Variants in WFIKKN1 observed in about 807,000 individuals in gnomAD.
WFIKKN1 encodes the protein WAP, follistatin/kazal, immunoglobulin, kunitz and netrin domain containing 1, also known as WAP, Kazal, immunoglobulin, Kunitz and NTR domain-containing protein 1.
Under a neutral mutation model 4.6 loss-of-function variants are expected in WFIKKN1, and 6 were observed. That is an observed-to-expected ratio of 1.31 (90% CI 0.72 to 2.59). The LOEUF is 2.59. Among genes scored for constraint, WFIKKN1 ranks in the 30% most tolerant of loss-of-function variants. WFIKKN1 has a pLI of 0.00. For missense variants in WFIKKN1, 964 were observed against 818.0 expected (o/e 1.18, Z -2.18); for synonymous variants, 468 against 367.4 (o/e 1.27, Z -3.13).
rs752608384 is a variant in WFIKKN1 at position 634,048 on chromosome 16, C to G, written c.1638C>G (p.Phe546Leu). The stretch of plus-strand genomic sequence containing the variant: ...AGGCCTGCGAGCTGCTCAACCGCTT[C>G]CAGGACTAGCCCCCGCAGGGGCCTG... The part of the protein sequence containing the change: ...EKQACELLNR[F>L]QD Residue 546 changes from phenylalanine to leucine, a missense_variant, in exon 2 of 2, where the codon TTC (phenylalanine) becomes TTG (leucine). Coordinates refer to ENST00000319070, the MANE Select transcript of WFIKKN1 (RefSeq NM_053284.3). The G allele has an allele frequency of 1.3e-6, 2 of 1,575,778 alleles. No individual in the cohort carries two copies. Among genetic ancestry groups the G allele is most frequent in the Non-Finnish European group, 1.7e-6 (2 of 1,164,618 alleles).
intron 1 of WFIKKN1, 83 bp downstream of exon 1, chr16:631,507 G>A (rs1257867947): frequency 6.5e-7 from 1 of 1,528,752 alleles, no homozygotes; most frequent in Non-Finnish European, 8.7e-7. Context: ...CTTCTGCCTG[G>A]GCTCCCCAGA....
chr16:632,960 G>C lies in WFIKKN1; in HGVS notation c.550G>C (p.Val184Leu). The C allele has an allele frequency of 1.9e-6, 3 of 1,567,004 alleles. No individual in the cohort carries two copies. The highest frequency in any genetic ancestry group is 2.6e-6 in the Non-Finnish European group (3 of 1,155,430). ...TARPTPGAAPVPPALYSSPSP... is the reference protein window; with the variant it reads ...TARPTPGAAPLPPALYSSPSP... ...CCGCCCCACACCTGGGGCCGCGCCCGTGCCTCCTGCCCTGTACAGCAGCCC... is the reference window on the plus strand; with the variant it reads ...CCGCCCCACACCTGGGGCCGCGCCCCTGCCTCCTGCCCTGTACAGCAGCCC... Residue 184 changes from valine to leucine, a missense_variant, in exon 2 of 2, where the codon GTG becomes CTG. By Grantham distance (32) the Val-to-Leu change is conservative (BLOSUM62 1). Coordinates refer to ENST00000319070, the MANE Select transcript of WFIKKN1 (RefSeq NM_053284.3).
rs546743008 is a variant in WFIKKN1 at position 631,673 on chromosome 16, C to T, written c.171+249C>T. On this transcript the variant is annotated intron_variant, in intron 1 of 1. Transcript: ENST00000319070. ...CACCATCATCCTCGGCGACCACCCCCACCCCGTCACTGCCTCTCCTCCCAC... is the reference window on the plus strand; with the variant it reads ...CACCATCATCCTCGGCGACCACCCCTACCCCGTCACTGCCTCTCCTCCCAC... 318 of 371,048 alleles carry T rather than the reference C, an allele frequency of 8.6e-4. 1 individual carries two copies. Among genetic ancestry groups the T allele is most frequent in the African/African-American group, 6.1e-3 (288 of 47,000 alleles). The allele number at this position is 371,048 out of a possible 1,614,324, so 23.0% of individuals were successfully genotyped here.
At position 632,951 on chromosome 16, in the gene WFIKKN1, G is replaced by C. The variant is rs1203030723; in HGVS notation, c.541G>C (p.Ala181Pro). Residue 181 changes from alanine (A) to proline (P), a missense_variant, in exon 2 of 2, where the codon GCC becomes CCC. Ala to Pro is a conservative substitution (Grantham distance 27, BLOSUM62 -1). Coordinates refer to ENST00000319070, the MANE Select transcript of WFIKKN1 (RefSeq NM_053284.3). ...GACCACTGCCCGCCCCACACCTGGG[G>C]CCGCGCCCGTGCCTCCTGCCCTGTA... ...PETTARPTPG[A>P]APVPPALYSS... 1.3e-6 allele frequency: 2 copies of C among 1,561,294 alleles called. No individual in the cohort carries two copies. The highest frequency in any genetic ancestry group is 3.7e-5 in the Admixed American group (2 of 54,100).
Position 631,206 on chromosome 16 carries a change from G to A in WFIKKN1, c.-48G>A, listed in dbSNP as rs1180031237. 2 of 1,517,218 alleles carry A rather than the reference G, an allele frequency of 1.3e-6. No homozygotes were observed. Among genetic ancestry groups the A allele is most frequent in the Admixed American group, 4.1e-5 (2 of 49,374 alleles). The allele number at this position is 1,517,218 out of a possible 1,614,324, so 94.0% of individuals were successfully genotyped here. Reference sequence around the variant, plus strand: ...GGAAGCTGGGCTCTGTGGAGCCCGAGGAGGGGCTGGTGGCCACACCCCCCG... The same window carrying A: ...GGAAGCTGGGCTCTGTGGAGCCCGAAGAGGGGCTGGTGGCCACACCCCCCG... On this transcript the variant is annotated 5_prime_UTR_variant, in exon 1 of 2. Transcript: ENST00000319070.
At position 632,896 on chromosome 16, in the gene WFIKKN1, C is replaced by G. The variant is rs755902478; in HGVS notation, c.486C>G (p.Ser162Arg). 3 of 1,568,510 alleles carry G rather than the reference C, an allele frequency of 1.9e-6. No individual in the cohort carries two copies. The South Asian group carries it at 3.6e-5, about 19-fold the overall frequency. The change falls in exon 2 of 2, where the codon AGC becomes AGG. Residue 162 changes from serine to arginine, a missense_variant. Transcript: ENST00000319070. ...LHIVPCKHVL[S>R]WPPSSPGPPE... ...TCGTGCCCTGCAAGCACGTGCTCAG[C>G]TGGCCGCCCAGCAGCCCGGGGCCGC...
At chr16:631,447 C>G in intron 1 of WFIKKN1, 23 bp downstream of exon 1, 1 of 1,597,388 alleles carries the variant, frequency 6.3e-7, no homozygotes, top group Non-Finnish European at 8.5e-7. Flanking sequence ...GGGCCGGGGT[C>G]CTGGGGCTCA....
chr16:633,454 G>T lies in WFIKKN1; in HGVS notation c.1044G>T (p.Gln348His). 1.1e-5 allele frequency: 17 copies of T among 1,534,250 alleles called. No homozygotes were observed. The highest frequency in any genetic ancestry group is 1.2e-5 in the Non-Finnish European group (14 of 1,148,762). The change falls in exon 2 of 2, where the codon CAG (glutamine) becomes CAT (histidine). Residue 348 changes from glutamine to histidine, a missense_variant. Gln to His is a conservative substitution (Grantham distance 24). Transcript: ENST00000319070. ...ARGFETYEACQQACARGPGDA... is the reference protein window; with the variant it reads ...ARGFETYEACHQACARGPGDA... ...GCTTTGAGACCTACGAGGCATGCCA[G>T]CAGGCCTGTGCCCGCGGCCCCGGCG...
At position 632,799 on chromosome 16, in the gene WFIKKN1, C is replaced by G; in HGVS notation, c.389C>G (p.Ser130Trp). ...CEKEPSFTCASDGLTYYNRCY... is the reference protein window; with the variant it reads ...CEKEPSFTCAWDGLTYYNRCY... ...AAGGAGCCCAGCTTCACCTGCGCCT[C>G]GGACGGCCTCACCTACTACAACCGC... is the stretch of plus-strand genomic sequence containing the variant. The change falls in exon 2 of 2, where the codon TCG (serine) becomes TGG (tryptophan). Residue 130 changes from serine (S) to tryptophan (W), a missense_variant. Physicochemically the swap from Ser to Trp is radical, Grantham distance 177. Transcript: ENST00000319070. 1 of 1,597,998 alleles carries G rather than the reference C, an allele frequency of 6.3e-7. No individual in the cohort carries two copies. Among genetic ancestry groups the G allele is most frequent in the Non-Finnish European group, 8.5e-7 (1 of 1,171,456 alleles).
At position 632,695 on chromosome 16, in the gene WFIKKN1, C is replaced by A; in HGVS notation, c.285C>A (p.Gly95=). The change falls in exon 2 of 2, where the codon GGC becomes GGA. Residue 95 remains glycine, a synonymous_variant. Transcript: ENST00000319070. The part of the protein sequence containing the change: ...AAPTTAASCE[G]FVCPQQGSDC... ...CGACGACAGCGGCCTCCTGCGAGGG[C>A]TTTGTGTGCCCACAGCAGGGCTCGG... The A allele has an allele frequency of 6.2e-7, 1 of 1,609,468 alleles. No individual in the cohort carries two copies. Among genetic ancestry groups the A allele is most frequent in the Non-Finnish European group, 8.5e-7 (1 of 1,178,312 alleles).
chr16:631,387 C>G lies in WFIKKN1; in HGVS notation c.134C>G (p.Ala45Gly), dbSNP rs1424399431. The G allele has an allele frequency of 6.2e-7, 1 of 1,609,514 alleles. No individual in the cohort carries two copies. The highest frequency in any genetic ancestry group is 8.5e-7 in the Non-Finnish European group (1 of 1,179,368). ...CTCAGCCCCAACCTGTGGGTGGACG[C>G]CCAGAGCACCTGTGAGCGCGAGTGT... The part of the protein sequence containing the change: ...NQLSPNLWVD[A>G]QSTCERECSR... The change falls in exon 1 of 2, where the codon GCC (alanine) becomes GGC (glycine). Residue 45 changes from alanine (A) to glycine (G), a missense_variant. By Grantham distance (60) the Ala-to-Gly change is moderately conservative (BLOSUM62 0). Coordinates refer to ENST00000319070, the MANE Select transcript of WFIKKN1 (RefSeq NM_053284.3).
chr16:633,563 C>T lies in WFIKKN1; in HGVS notation c.1153C>T (p.His385Tyr), dbSNP rs1286813892. 3 of 1,554,928 alleles carry T rather than the reference C, an allele frequency of 1.9e-6. No individual in the cohort carries two copies. The highest frequency in any genetic ancestry group is 2.6e-6 in the Non-Finnish European group (3 of 1,158,580). The change falls in exon 2 of 2, where the codon CAT becomes TAT. Residue 385 changes from histidine (H) to tyrosine (Y), a missense_variant. By Grantham distance (83) the His-to-Tyr change is moderately conservative. Coordinates refer to ENST00000319070, the MANE Select transcript of WFIKKN1 (RefSeq NM_053284.3). Reference protein sequence around the residue: ...WAYSPLLQQCHPFVYGGCEGN... With the variant: ...WAYSPLLQQCYPFVYGGCEGN... ...CTACAGCCCGCTGCTGCAGCAGTGC[C>T]ATCCCTTCGTGTACGGTGGCTGCGA...
Position 633,488 on chromosome 16 carries a change from G to C in WFIKKN1, c.1078G>C (p.Val360Leu). 1 of 1,519,780 alleles carries C rather than the reference G, an allele frequency of 6.6e-7. No homozygotes were observed. The highest frequency in any genetic ancestry group is 2.1e-5 in the Admixed American group (1 of 46,874). The allele number at this position is 1,519,780 out of a possible 1,614,324, so 94.1% of individuals were successfully genotyped here. ...TGCCCGCGGCCCCGGCGACGCCTGC[G>C]TGCTGCCTGCCGTGCAGGGCCCCTG... ...ACARGPGDACVLPAVQGPCRG... is the reference protein window; with the variant it reads ...ACARGPGDACLLPAVQGPCRG... Residue 360 changes from valine (V) to leucine (L), a missense_variant, in exon 2 of 2, where the codon GTG (valine) becomes CTG (leucine). Coordinates refer to ENST00000319070, the MANE Select transcript of WFIKKN1 (RefSeq NM_053284.3).
rs1449345035 is a variant in WFIKKN1 at position 634,057 on chromosome 16, GC to G, written c.*5del. ...AGCTGCTCAACCGCTTCCAGGACTAGCCCCCGCAGGGGCCTGCGCCACCCCG... is the reference window on the plus strand; with the variant it reads ...AGCTGCTCAACCGCTTCCAGGACTAGCCCCGCAGGGGCCTGCGCCACCCCG... On this transcript the variant is annotated 3_prime_UTR_variant, in exon 2 of 2. Coordinates refer to ENST00000319070, the MANE Select transcript of WFIKKN1 (RefSeq NM_053284.3). 5.1e-6 allele frequency: 8 copies of G among 1,567,006 alleles called. No homozygotes were observed. Among genetic ancestry groups the G allele is most frequent in the Admixed American group, 1.8e-5 (1 of 56,806 alleles).
In WFIKKN1 at chr16:633,604, C is replaced by A. The variant is rs567320565; in HGVS notation, c.1194C>A (p.Asn398Lys). Reference protein sequence around the residue: ...VYGGCEGNGNNFHSRESCEDA... With the variant: ...VYGGCEGNGNKFHSRESCEDA... ...GTGGCTGCGAGGGCAACGGCAACAA[C>A]TTCCACAGCCGCGAGAGCTGCGAGG... The change falls in exon 2 of 2, where the codon AAC becomes AAA. Residue 398 changes from asparagine to lysine, a missense_variant. By Grantham distance (94) the Asn-to-Lys change is moderately conservative (BLOSUM62 0). Transcript: ENST00000319070. 6.4e-7 allele frequency: 1 copy of A among 1,573,390 alleles called. No homozygotes were observed. The highest frequency in any genetic ancestry group is 8.6e-7 in the Non-Finnish European group (1 of 1,165,736).
Position 633,127 on chromosome 16 carries a change from CGTG to C in WFIKKN1, c.723_725del (p.Val242del), listed in dbSNP as rs1379839317. The C allele has an allele frequency of 4.9e-5, 79 of 1,607,448 alleles. No individual in the cohort carries two copies. Among genetic ancestry groups the C allele is most frequent in the Non-Finnish European group, 5.9e-5 (69 of 1,176,258 alleles). ...TGCGCCCTGATCAGATGTATGGCAA[CGTG>C]GTGGTCACCAGCATCGGGCAGCTGG... On this transcript the variant is annotated inframe_deletion, in exon 2 of 2. Transcript: ENST00000319070.
rs779870889 is a variant in WFIKKN1, at chr16:633,279, C to A, written c.869C>A (p.Ala290Asp). 3.2e-6 allele frequency: 5 copies of A among 1,582,690 alleles called. No homozygotes were observed. In the South Asian group the frequency reaches 5.7e-5, roughly 18 times the overall value. The change falls in exon 2 of 2, where the codon GCC (alanine) becomes GAC (aspartate). Residue 290 changes from alanine to aspartate, a missense_variant. Transcript: ENST00000319070. Reference protein sequence around the residue: ...VVQREPARDAAPSIPAPAECL... With the variant: ...VVQREPARDADPSIPAPAECL... ...CAGCGAGAGCCGGCCAGGGACGCAG[C>A]CCCCAGCATCCCAGCCCCGGCCGAG...
chr16:633,219 G>T lies in WFIKKN1; in HGVS notation c.809G>T (p.Gly270Val). The change falls in exon 2 of 2, where the codon GGG (glycine) becomes GTG (valine). Residue 270 changes from glycine to valine, a missense_variant. Transcript: ENST00000319070. ...LYTCTARNAA[G>V]LLRADFPLSV... ...ACCTGCACCGCGCGCAACGCTGCTG[G>T]GCTGCTGCGGGCTGACTTCCCACTC... 6.3e-7 allele frequency: 1 copy of T among 1,584,704 alleles called. No individual in the cohort carries two copies. The highest frequency in any genetic ancestry group is 8.6e-7 in the Non-Finnish European group (1 of 1,165,780).
chr16:632,283 C>A, intron 1 of WFIKKN1: 1 of 329,378 alleles, frequency 3.0e-6, no homozygotes, highest in Non-Finnish European at 5.5e-6. Flanking sequence ...TGGCCCGCAC[C>A]ACCTGCTGGG....
Sources: allele counts gnomAD v4.1 joint callset, GRCh38; gene constraint gnomAD v4.1.1; transcripts MANE v1.5; gene names NCBI Gene and HGNC (gene_info 2026-07-23, HGNC 2026-07-21).